MTA3: variants seen among roughly 807,000 people sequenced by gnomAD.
The protein encoded by MTA3 is metastasis associated 1 family member 3.
Under a neutral mutation model 83.5 loss-of-function variants are expected in MTA3, and 34 were observed. The observed-to-expected ratio is 0.41, with a 90% confidence interval of 0.31 to 0.54. The LOEUF is 0.54. Ranked by LOEUF, MTA3 falls within the 20% of genes least tolerant of loss-of-function variation. The pLI, the probability that MTA3 is intolerant of heterozygous loss-of-function variation, is 0.33. For missense variants in MTA3, 761 were observed against 726.4 expected, an observed-to-expected ratio of 1.05 and a Z score of -0.55; for synonymous variants, 303 against 252.7, an observed-to-expected ratio of 1.20 and a Z score of -1.89.
At chr2:42,544,703 A>G (rs1475331903) in intron 2 of MTA3, among the ~76,000 whole-genome samples, 1 of 151,910 alleles carries the variant, frequency 6.6e-6, no homozygotes, top group East Asian at 1.9e-4. Flanking sequence ...TAAAAAAAAC[A>G]GTGATATTCC....
intron 3 of MTA3, among the ~76,000 whole-genome samples, chr2:42,586,773 C>A (rs1211080432): frequency 6.6e-6 from 1 of 152,108 alleles, no homozygotes; most frequent in Non-Finnish European, 1.5e-5. Context: ...GCCTGTAATC[C>A]CAGCACTTTG....
intron 2 of MTA3, among the ~76,000 whole-genome samples, chr2:42,496,803 A>G (rs1674157988): frequency 1.3e-5 from 2 of 151,892 alleles, no homozygotes; most frequent in South Asian, 4.2e-4. Context: ...ACAACCTTCT[A>G]CCTCATCTCT....
rs566570878 is a variant in MTA3 at position 42,504,725 on chromosome 2, G to A, written c.-141+9471G>A. 2.1e-4 allele frequency among the ~76,000 whole-genome samples: 31 copies of A among 150,484 alleles called. 1 individual carries two copies. Among genetic ancestry groups the A allele is most frequent in the South Asian group, 6.3e-4 (3 of 4,738 alleles). On this transcript the variant is annotated intron_variant, in intron 2 of 17. Coordinates refer to the MTA3 transcript ENST00000405592. ...TTGCCCAGGCTGGTCTTGAACTCCC[G>A]GGTTCAAGCAGTTCTCCCACCTCAT...
chr2:42,595,540 C>T (rs1189596523), intron 3 of MTA3, among the ~76,000 whole-genome samples: 1 of 152,162 alleles, frequency 6.6e-6, no homozygotes, highest in Non-Finnish European at 1.5e-5. Flanking sequence ...CCTTTAGTTA[C>T]TCCAATAAAG....
intron 14 of MTA3, 92 bp from the exon 15 acceptor site, chr2:42,718,896 T>C: frequency 2.0e-6 from 2 of 978,622 alleles, no homozygotes; most frequent in Non-Finnish European, 3.1e-6. Context: ...TTTTGTACTG[T>C]TTTCCACTTG....
At chr2:42,726,278 G>A (rs2104551225) in intron 16 of MTA3, among the ~76,000 whole-genome samples, 1 of 152,210 alleles carries the variant, frequency 6.6e-6, no homozygotes, top group Middle Eastern at 3.4e-3. Context: ...CTTAGCTTTA[G>A]GGCAGCCTGC....
At chr2:42,678,231 C>T (rs1024911417) in intron 8 of MTA3, among the ~76,000 whole-genome samples, 1 of 151,958 alleles carries the variant, frequency 6.6e-6, no homozygotes, top group African/African-American at 2.4e-5. Flanking sequence ...GTGACACATA[C>T]AACAGAAGAC....
chr2:42,591,990 G>A lies in MTA3; in HGVS notation c.190+12790G>A, dbSNP rs570725643. The stretch of plus-strand genomic sequence containing the variant: ...TTAAGAAAAATTCATTTGGCCAGGT[G>A]TAGTGGCTCACGCCTGTAATCCCAG... On this transcript the variant is annotated intron_variant, in intron 3 of 16. Coordinates refer to ENST00000405094, the MANE Select transcript of MTA3 (RefSeq NM_001330442.2). Among the ~76,000 whole-genome samples, 7 of 152,112 alleles carry A rather than the reference G, an allele frequency of 4.6e-5. 1 individual carries two copies. In the South Asian group the frequency reaches 1.3e-3, roughly 27 times the overall value.
In MTA3 at chr2:42,519,816, G is replaced by A. The variant is rs529800488; in HGVS notation, c.-141+24562G>A. Among the ~76,000 whole-genome samples the A allele has an allele frequency of 2.6e-4, 40 of 151,856 alleles. 2 individuals are homozygous for A. In the South Asian group the frequency reaches 7.5e-3, roughly 28 times the overall value. On this transcript the variant is annotated intron_variant, in intron 2 of 17. Coordinates refer to the MTA3 transcript ENST00000405592. ...TGTAATCCCAGCACTTTGGGAGGCC[G>A]AGGCAGGTGAACTCCTGAGGTCAGG...
At chr2:42,667,117 C>T (rs1690298245) in intron 8 of MTA3, among the ~76,000 whole-genome samples, 1 of 152,078 alleles carries the variant, frequency 6.6e-6, no homozygotes, top group African/African-American at 2.4e-5. Context: ...CTGTGTTGCC[C>T]AGGCCAGATT....
At chr2:42,714,052 T>C (rs1327102461) in intron 14 of MTA3, among the ~76,000 whole-genome samples, 1 of 152,212 alleles carries the variant, frequency 6.6e-6, no homozygotes, top group Admixed American at 6.5e-5. Context: ...CAATTCCTAT[T>C]TCTCTAGAAC....
intron 7 of MTA3, 71 bp from the exon 8 acceptor site, chr2:42,659,692 T>C (rs1192010977): frequency 8.0e-7 from 1 of 1,246,762 alleles, no homozygotes; most frequent in Non-Finnish European, 1.1e-6. Flanking sequence ...CAAATGTGTT[T>C]TTTAAAACGT....
At chr2:42,699,157 CCA>C in intron 11 of MTA3, among the ~76,000 whole-genome samples, 1 of 152,128 alleles carries the variant, frequency 6.6e-6, no homozygotes, top group African/African-American at 2.4e-5. Flanking sequence ...TAGTCGCAAG[CCA>C]AATCTGACCT....
At chr2:42,601,659 A>T (rs1345658653) in intron 3 of MTA3, among the ~76,000 whole-genome samples, 1 of 152,096 alleles carries the variant, frequency 6.6e-6, no homozygotes, top group East Asian at 1.9e-4. Flanking sequence ...AGTAGCTGGG[A>T]TTCCAGGTTC....
intron 1 of MTA3, 30 bp from the exon 2 acceptor site, chr2:42,570,407 G>A (rs1558443348): frequency 2.9e-6 from 4 of 1,374,578 alleles, no homozygotes; most frequent in Non-Finnish European, 4.0e-6. Context: ...CTGTTAAAAA[G>A]ATTAAGTTCT....
intron 2 of MTA3, among the ~76,000 whole-genome samples, chr2:42,531,572 C>T (rs1572934585): frequency 1.3e-5 from 2 of 151,246 alleles, no homozygotes; most frequent in Admixed American, 1.3e-4. Context: ...CCTGCCTCAG[C>T]CTCCCGAGTA....
chr2:42,659,232 C>A (rs1689451953), intron 7 of MTA3, among the ~76,000 whole-genome samples: 1 of 152,152 alleles, frequency 6.6e-6, no homozygotes, highest in Non-Finnish European at 1.5e-5. Context: ...GGAAGGACTT[C>A]CAAATCATTA....
At position 42,609,642 on chromosome 2, in the gene MTA3, C is replaced by T. The variant is rs912988484; in HGVS notation, c.317+58C>T. 6.6e-6 allele frequency: 10 copies of T among 1,523,032 alleles called. No homozygotes were observed. The South Asian group carries it at 1.3e-4, about 20-fold the overall frequency. 94.3% of individuals were successfully genotyped at this position (1,523,032 alleles called of 1,614,324 possible). ...ACTACGGTGACCAAAAAACAAAAGA[C>T]TTCTTTGAAGCGTTTTCCAGACTCT... On this transcript the variant is annotated intron_variant, in intron 4 of 16. Coordinates refer to ENST00000405094, the MANE Select transcript of MTA3 (RefSeq NM_001330442.2).
At chr2:42,556,279 G>C (rs928254021) in intron 2 of MTA3, among the ~76,000 whole-genome samples, 1 of 152,132 alleles carries the variant, frequency 6.6e-6, no homozygotes. Flanking sequence ...CTGCTCCAGA[G>C]AGGAAGCTGG....
Sources: gnomAD v4.1 joint callset for allele counts (sites outside exome capture counted in the v4.1 genomes callset) on GRCh38, gnomAD v4.1.1 for gene constraint, MANE v1.5 for transcripts, NCBI Gene and HGNC (gene_info 2026-07-23, HGNC 2026-07-21) for gene names.